The following CLYBL variants were observed in gnomAD, a reference collection of about 807,000 sequenced individuals.
CLYBL encodes the protein citramalyl-CoA lyase, mitochondrial.
In CLYBL, 31 loss-of-function variants were observed where a neutral mutation model predicts 38.9. The ratio of observed to expected loss-of-function variants is 0.80; its 90% CI spans 0.60 to 1.08. The LOEUF (loss-of-function observed/expected upper bound fraction) is 1.08. Ranked by LOEUF, CLYBL falls within the 50% of genes least tolerant of loss-of-function variation. CLYBL has a pLI of 0.00. For missense variants in CLYBL, 434 were observed against 411.6 expected, an observed-to-expected ratio of 1.05 and a Z score of -0.47; for synonymous variants, 171 against 158.6, an observed-to-expected ratio of 1.08 and a Z score of -0.59.
downstream of CLYBL, chr13:99,893,550 T>C (rs1289106618): frequency 6.6e-6 from 1 of 152,466 alleles, no homozygotes; most frequent in Non-Finnish European, 1.5e-5. Flanking sequence ...CCTCACCTTG[T>C]CCTTCCTATG....
chr13:99,615,033 A>G (rs1050573536), intron 1 of CLYBL, among the ~76,000 whole-genome samples: 1 of 152,224 alleles, frequency 6.6e-6, no homozygotes, highest in African/African-American at 2.4e-5. Flanking sequence ...TGCTAATAAC[A>G]GGATATCTGC....
chr13:99,674,716 G>C (rs2047618588), intron 1 of CLYBL, among the ~76,000 whole-genome samples: 1 of 152,118 alleles, frequency 6.6e-6, no homozygotes, highest in African/African-American at 2.4e-5. Flanking sequence ...AGTGGAGGGG[G>C]AACCAGCAAA....
At chr13:99,675,689 T>C (rs2047634038) in intron 1 of CLYBL, among the ~76,000 whole-genome samples, 1 of 152,280 alleles carries the variant, frequency 6.6e-6, no homozygotes, top group African/African-American at 2.4e-5. Context: ...ATCCAAGCTG[T>C]AGCATGTGGC....
chr13:99,676,190 T>TCCG lies in CLYBL; in HGVS notation c.62+69433_62+69434insCCG, dbSNP rs1566606807. Among the ~76,000 whole-genome samples, 13 of 20,508 alleles carry TCCG rather than the reference T, an allele frequency of 6.3e-4. No individual in the cohort carries two copies. The East Asian group carries it at 0.013, about 21-fold the overall frequency. The allele number at this position is 20,508 out of a possible 152,430, so 13.5% of individuals were successfully genotyped here. A position where few individuals can be genotyped will look rare whatever the true frequency, so the allele number is the denominator to read the frequency against. On this transcript the variant is annotated intron_variant, in intron 1 of 8. Coordinates refer to ENST00000339105, the MANE Select transcript of CLYBL (RefSeq NM_206808.5). ...CTTCCTTCCTTCCCTCCGTCCGTCC[T>TCCG]TCCTTCCTTCCTTCCTTCCTTCCTT...
chr13:99,643,936 C>T (rs1433968217), intron 1 of CLYBL, among the ~76,000 whole-genome samples: 2 of 139,928 alleles, frequency 1.4e-5, no homozygotes, highest in Non-Finnish European at 3.0e-5. Context: ...ACCCAGGAGG[C>T]GGAGGTTGCA....
intron 1 of CLYBL, among the ~76,000 whole-genome samples, chr13:99,703,202 C>G (rs992199317): frequency 6.6e-6 from 1 of 152,212 alleles, no homozygotes; most frequent in Non-Finnish European, 1.5e-5. Context: ...AGCCTGTAAT[C>G]CCCGCAGTTT....
intron 2 of CLYBL, among the ~76,000 whole-genome samples, chr13:99,789,809 C>T (rs1465327127): frequency 2.0e-5 from 3 of 152,014 alleles, no homozygotes; most frequent in Non-Finnish European, 4.4e-5. Context: ...GTTAAAGTCT[C>T]CTATTATTAT....
chr13:99,758,691 C>G (rs1030686976), intron 1 of CLYBL, among the ~76,000 whole-genome samples: 1 of 152,198 alleles, frequency 6.6e-6, no homozygotes, highest in African/African-American at 2.4e-5. Flanking sequence ...TGCCCAGTGA[C>G]AGCCCCCCTC....
intron 1 of CLYBL, among the ~76,000 whole-genome samples, chr13:99,716,787 C>CCTTTT (rs1555293296): frequency 9.9e-6 from 1 of 100,918 alleles, no homozygotes; most frequent in African/African-American, 3.8e-5. Context: ...CTTTTCTTTT[C>CCTTTT]TTTTTTTTTT....
At chr13:99,780,816 C>T (rs563972596) in intron 2 of CLYBL, among the ~76,000 whole-genome samples, 14 of 149,786 alleles carry the variant, frequency 9.3e-5, no homozygotes, top group Admixed American at 7.4e-4. Flanking sequence ...CAGGTTTAAG[C>T]GATTCTCCTG....
At chr13:99,846,967 A>C (rs2051220050) in intron 2 of CLYBL, among the ~76,000 whole-genome samples, 1 of 152,000 alleles carries the variant, frequency 6.6e-6, no homozygotes, top group Non-Finnish European at 1.5e-5. Context: ...ACAGAAATGA[A>C]AAAAAGTTTG....
intron 1 of CLYBL, among the ~76,000 whole-genome samples, chr13:99,644,717 G>A (rs2047151604): frequency 6.6e-6 from 1 of 152,076 alleles, no homozygotes; most frequent in Admixed American, 6.6e-5. Flanking sequence ...CTGTCCCCAT[G>A]ATTTCAATTG....
Position 99,679,221 on chromosome 13 carries a change from G to C in CLYBL, c.62+72464G>C, listed in dbSNP as rs577808161. 7.9e-5 allele frequency among the ~76,000 whole-genome samples: 12 copies of C among 151,328 alleles called. No individual in the cohort carries two copies. In the East Asian group the frequency reaches 2.3e-3, roughly 29 times the overall value. ...AGGCAGGAGAATGGCGTGAACCCGG[G>C]AGGTGGAGGTTGCAGTAAGCCAAGA... On this transcript the variant is annotated intron_variant, in intron 1 of 8. Coordinates refer to ENST00000339105, the MANE Select transcript of CLYBL (RefSeq NM_206808.5).
chr13:99,826,219 G>A (rs530149002), intron 2 of CLYBL, among the ~76,000 whole-genome samples: 2 of 152,324 alleles, frequency 1.3e-5, no homozygotes, highest in Admixed American at 1.3e-4. Context: ...GTTGATTTAT[G>A]TATAGGTGGT....
intron 1 of CLYBL, among the ~76,000 whole-genome samples, chr13:99,739,784 A>G (rs1432510941): frequency 6.6e-6 from 1 of 152,146 alleles, no homozygotes; most frequent in Non-Finnish European, 1.5e-5. Context: ...AGACCAGCCT[A>G]ACCAACATGG....
At chr13:99,895,281 G>A (rs1361835105), downstream of CLYBL, 1 of 152,044 alleles carries the variant, frequency 6.6e-6, no homozygotes. Context: ...CCGCTTTTAT[G>A]ATTTCGGTTT....
intron 1 of CLYBL, among the ~76,000 whole-genome samples, chr13:99,653,209 A>G (rs1055298066): frequency 1.3e-5 from 2 of 152,154 alleles, no homozygotes; most frequent in African/African-American, 2.4e-5. Context: ...ATTCTAGGCA[A>G]AGACTTCAGA....
intron 6 of CLYBL, 145 bp from the exon 7 acceptor site, chr13:99,870,793 T>C: frequency 1.4e-6 from 1 of 716,318 alleles, no homozygotes; most frequent in South Asian, 2.4e-5. Flanking sequence ...TTTGTTTGTT[T>C]TGTTTTGTTT....
chr13:99,633,260 C>T (rs2046974000), intron 1 of CLYBL, among the ~76,000 whole-genome samples: 1 of 146,212 alleles, frequency 6.8e-6, no homozygotes, highest in African/African-American at 2.5e-5. Context: ...AGAAATAAGG[C>T]CAGGTGTGGT....
Sources: gnomAD v4.1 joint callset for allele counts (sites outside exome capture counted in the v4.1 genomes callset) on GRCh38, gnomAD v4.1.1 for gene constraint, MANE v1.5 for transcripts, NCBI Gene and HGNC (gene_info 2026-07-23, HGNC 2026-07-21) for gene names.